SPATA21: variants seen among roughly 807,000 people sequenced by gnomAD.
The protein encoded by SPATA21 is spermatogenesis-associated protein 21.
In SPATA21, 47 loss-of-function variants were observed where a neutral mutation model predicts 54.8. The observed-to-expected ratio is 0.86, with a 90% CI of 0.68 to 1.09. SPATA21 has a LOEUF of 1.09. SPATA21 is among the 50% of genes least tolerant of loss of function. The pLI, the probability that SPATA21 is intolerant of heterozygous loss-of-function variation, is 0.00. For synonymous variants in SPATA21, 245 were observed against 235.3 expected (o/e 1.04, Z -0.38); for missense variants, 599 against 596.4 (o/e 1.00, Z -0.05).
intron 7 of SPATA21, among the ~76,000 whole-genome samples, chr1:16,406,107 A>G (rs980394786): frequency 4.0e-5 from 6 of 150,584 alleles, no homozygotes; most frequent in Non-Finnish European, 8.9e-5. Context: ...AGGGGACCAC[A>G]GCCCTTTTTT....
chr1:16,401,345 A>G (rs1366001188), intron 10 of SPATA21, among the ~76,000 whole-genome samples: 1 of 152,180 alleles, frequency 6.6e-6, no homozygotes, highest in African/African-American at 2.4e-5. Context: ...CCCAGGCAGG[A>G]GTGCAGTGGC....
At chr1:16,436,857 T>C (rs187898554) in intron 1 of SPATA21, among the ~76,000 whole-genome samples, 1 of 151,278 alleles carries the variant, frequency 6.6e-6, no homozygotes, top group African/African-American at 2.4e-5. Context: ...CAATAACCTA[T>C]GGAAAAACAA....
chr1:16,425,499 C>T, intron 3 of SPATA21: 2 of 1,547,310 alleles, frequency 1.3e-6, no homozygotes, highest in Non-Finnish European at 8.7e-7. Context: ...ATTCCATACC[C>T]TTCTCCCCAG....
chr1:16,404,132 G>T, intron 8 of SPATA21, 93 bp from the exon 9 acceptor site: 3 of 1,082,562 alleles, frequency 2.8e-6, no homozygotes, highest in Non-Finnish European at 4.1e-6. Flanking sequence ...CACTGTCTGG[G>T]TCTGATTATC....
At chr1:16,403,634 A>C (rs988120068) in intron 10 of SPATA21, 93 bp downstream of exon 10, 11 of 1,133,890 alleles carry the variant, frequency 9.7e-6, no homozygotes, top group Non-Finnish European at 1.5e-5. Context: ...CTTGTGACTA[A>C]AAGTCGTAAC....
At chr1:16,399,917 C>T (rs186364247) in intron 11 of SPATA21, among the ~76,000 whole-genome samples, 2 of 152,262 alleles carry the variant, frequency 1.3e-5, no homozygotes, top group African/African-American at 2.4e-5. Flanking sequence ...GGGAGGCAGG[C>T]TTGCCCAGTG....
chr1:16,412,107 G>A lies in SPATA21; in HGVS notation c.145-2064C>T, dbSNP rs565896678. 5.9e-5 allele frequency among the ~76,000 whole-genome samples: 9 copies of A among 152,152 alleles called. No homozygotes were observed. In the South Asian group the frequency reaches 1.2e-3, roughly 21 times the overall value. Reference sequence around the variant, plus strand: ...CACTGGCTGCTCTGCCCCTGCCTCCGGTGCTGGCTCCCCCTCACTTGTGCT... The same window carrying A: ...CACTGGCTGCTCTGCCCCTGCCTCCAGTGCTGGCTCCCCCTCACTTGTGCT... On this transcript the variant is annotated intron_variant, in intron 5 of 12. Transcript: ENST00000335496.
rs778935000 is a variant in SPATA21, at chr1:16,409,849, C to T, written c.339G>A (p.Ser113=). 8 of 1,603,822 alleles carry T rather than the reference C, an allele frequency of 5.0e-6. No homozygotes were observed. The highest frequency in any genetic ancestry group is 1.7e-4 in the Middle Eastern group (1 of 5,948). The change falls in exon 6 of 13, where the codon TCG becomes TCA. Residue 113 remains serine, a synonymous_variant. Transcript: ENST00000335496. This position sits in a 1 kb window ranked among gnomAD's most constrained non-coding sequence, Gnocchi z 4.1. ...TGGGCACCGGGGTCAGGGTCCTGGGCGACTTCTGGGCTGTCTGGGACCGGG... is the reference window on the plus strand; with the variant it reads ...TGGGCACCGGGGTCAGGGTCCTGGGTGACTTCTGGGCTGTCTGGGACCGGG... ...SKARSQTAQK[S]PRTLTPVPTS...
In SPATA21 at chr1:16,409,859, G is replaced by A; in HGVS notation, c.329C>T (p.Ala110Val). 3 of 1,608,062 alleles carry A rather than the reference G, an allele frequency of 1.9e-6. No homozygotes were observed. Among genetic ancestry groups the A allele is most frequent in the Non-Finnish European group, 2.5e-6 (3 of 1,177,512 alleles). Residue 110 changes from alanine (A) to valine (V), a missense_variant, in exon 6 of 13, where the codon GCC (alanine) becomes GTC (valine). Coordinates refer to ENST00000335496, the MANE Select transcript of SPATA21 (RefSeq NM_198546.1). The surrounding 1 kb of genome is among the most constrained non-coding windows in gnomAD (Gnocchi z 4.1). ...RRASKARSQTAQKSPRTLTPV... is the reference protein window; with the variant it reads ...RRASKARSQTVQKSPRTLTPV... ...GGTCAGGGTCCTGGGCGACTTCTGG[G>A]CTGTCTGGGACCGGGCCTTCGAGGC...
chr1:16,406,739 C>T (rs986775177), intron 7 of SPATA21, among the ~76,000 whole-genome samples: 5 of 152,048 alleles, frequency 3.3e-5, no homozygotes, highest in African/African-American at 7.3e-5. Context: ...AAGGCCCTGT[C>T]TCAAATAAAT....
intron 3 of SPATA21, chr1:16,425,499 C>G (rs1309875927): frequency 6.5e-7 from 1 of 1,547,192 alleles, no homozygotes; most frequent in Non-Finnish European, 8.7e-7. Context: ...ATTCCATACC[C>G]TTCTCCCCAG....
chr1:16,427,752 C>G (rs538270452), intron 3 of SPATA21: 3 of 1,186,914 alleles, frequency 2.5e-6, no homozygotes, highest in South Asian at 1.7e-5. Flanking sequence ...AAGGTGCTGT[C>G]GTGGGTGGAG....
At chr1:16,407,755 G>C (rs1208744056) in intron 7 of SPATA21, among the ~76,000 whole-genome samples, 1 of 150,718 alleles carries the variant, frequency 6.6e-6, no homozygotes, top group Non-Finnish European at 1.5e-5. Flanking sequence ...ACTGCTCCCG[G>C]TTGGAGTTGT....
chr1:16,409,662 A>T lies in SPATA21; in HGVS notation c.526T>A (p.Trp176Arg). 1 of 1,613,404 alleles carries T rather than the reference A, an allele frequency of 6.2e-7. No homozygotes were observed. The highest frequency in any genetic ancestry group is 1.1e-5 in the South Asian group (1 of 91,052). ...VLLGPALDLG[W>R]RRMELLHQSS... The stretch of plus-strand genomic sequence containing the variant: ...TGGTGCAAGAGTTCCATCCTTCTCC[A>T]GCCCAGGTCCAGGGCAGGGCCCAGC... Residue 176 changes from tryptophan (W) to arginine (R), a missense_variant, in exon 6 of 13, where the codon TGG becomes AGG. Coordinates refer to ENST00000335496, the MANE Select transcript of SPATA21 (RefSeq NM_198546.1). The surrounding 1 kb of genome is among the most constrained non-coding windows in gnomAD (Gnocchi z 4.1).
intron 5 of SPATA21, among the ~76,000 whole-genome samples, chr1:16,410,391 G>A (rs561022898): frequency 1.6e-4 from 24 of 151,404 alleles, no homozygotes; most frequent in African/African-American, 2.2e-4. Flanking sequence ...GACTACAGCC[G>A]CGCACTACAA....
chr1:16,398,747 A>G lies in SPATA21; in HGVS notation c.*18T>C. ...CTACAGGCCTTGAGCAGCTGCCTAG[A>G]GTCAGGCCTCCAGAGGGTCAGTGGG... is the stretch of plus-strand genomic sequence containing the variant. On this transcript the variant is annotated 3_prime_UTR_variant, in exon 13 of 13. Coordinates refer to ENST00000335496, the MANE Select transcript of SPATA21 (RefSeq NM_198546.1). The G allele has an allele frequency of 6.2e-7, 1 of 1,613,770 alleles. No individual in the cohort carries two copies. The highest frequency in any genetic ancestry group is 8.5e-7 in the Non-Finnish European group (1 of 1,179,768).
At chr1:16,396,564 C>T (rs2085315077), downstream of SPATA21, 2 of 152,454 alleles carry the variant, frequency 1.3e-5, no homozygotes, top group Non-Finnish European at 2.9e-5. Context: ...GTACCTGGCT[C>T]CTCTCAGGCT....
intron 5 of SPATA21, among the ~76,000 whole-genome samples, chr1:16,417,303 G>A (rs1309666281): frequency 2.0e-5 from 3 of 152,016 alleles, no homozygotes; most frequent in Non-Finnish European, 1.5e-5. Context: ...TCACTGCCTA[G>A]GCTAGAGTGC....
chr1:16,421,460 G>A lies in SPATA21; in HGVS notation c.144+49C>T. 6.4e-7 allele frequency: 1 copy of A among 1,554,154 alleles called. No homozygotes were observed. The highest frequency in any genetic ancestry group is 8.7e-7 in the Non-Finnish European group (1 of 1,144,504). On this transcript the variant is annotated intron_variant, in intron 5 of 12. Transcript: ENST00000335496. The surrounding 1 kb of genome is among the most constrained non-coding windows in gnomAD (Gnocchi z 5.2). Reference sequence around the variant, plus strand: ...CCTCTTCCTCCTCCTGATCCCCCCTGCCTTTCTCCTACACAGCTCGTCCCC... The same window carrying A: ...CCTCTTCCTCCTCCTGATCCCCCCTACCTTTCTCCTACACAGCTCGTCCCC...
Sources: gnomAD v4.1 joint callset for allele counts (sites outside exome capture counted in the v4.1 genomes callset) on GRCh38, gnomAD v4.1.1 for gene constraint, Gnocchi (gnomAD v3.1) non-coding constraint, MANE v1.5 for transcripts, NCBI Gene and HGNC (gene_info 2026-07-23, HGNC 2026-07-21) for gene names.